Variants in NFATC2 observed in about 807,000 individuals in gnomAD.
The protein encoded by NFATC2 is nuclear factor of activated T-cells, cytoplasmic 2.
In NFATC2, 22 loss-of-function variants were observed where a neutral mutation model predicts 87.3. That is an observed-to-expected ratio of 0.25 (90% CI 0.18 to 0.36). NFATC2 has a LOEUF of 0.36. Ranked by LOEUF, NFATC2 falls within the 10% of genes least tolerant of loss-of-function variation. The pLI is 1.00. For missense variants in NFATC2, 1,149 were observed against 1,259.1 expected (o/e 0.91, Z 1.32); for synonymous variants, 565 against 542.2 (o/e 1.04, Z -0.58).
rs531539139 is a variant in NFATC2, at chr20:51,415,087, C to T, written c.2723-16357G>A. 9.2e-4 allele frequency among the ~76,000 whole-genome samples: 140 copies of T among 151,412 alleles called. 1 individual carries two copies. Among genetic ancestry groups the T allele is most frequent in the African/African-American group, 3.2e-3 (131 of 41,264 alleles). ...GCAACATAGTGAGACCCCATCTCTACAAAAAATAACTAGCCAGGTGTGGTG... is the reference window on the plus strand; with the variant it reads ...GCAACATAGTGAGACCCCATCTCTATAAAAAATAACTAGCCAGGTGTGGTG... On this transcript the variant is annotated intron_variant, in intron 9 of 10. Transcript: ENST00000371564.
Position 51,523,414 on chromosome 20 carries a change from G to T in NFATC2, c.827C>A (p.Ser276Ter). 1 of 1,608,642 alleles carries T rather than the reference G, an allele frequency of 6.2e-7. No homozygotes were observed. Residue 276 changes from serine (S) to a stop codon, truncating the protein, a stop_gained, in exon 2 of 11, where the codon TCG becomes TAG. Transcript: ENST00000371564. LOFTEE classifies it high-confidence loss of function. The surrounding 1 kb of genome is among the most constrained non-coding windows in gnomAD (Gnocchi z 6.9). ...GASPQRSRSP[S>*]PQPSSHVAPQ... ...TGCCACGTGAGATGAGGGCTGCGGC[G>T]AGGGGCTCCGGGAGCGCTGGGGTGA...
chr20:51,435,608 G>T, intron 7 of NFATC2, 98 bp downstream of exon 7: 1 of 1,327,374 alleles, frequency 7.5e-7, no homozygotes, highest in Non-Finnish European at 1.1e-6. Flanking sequence ...CCAGAGCTCT[G>T]GGGGACACTG....
chr20:51,451,466 G>A (rs572087276), intron 6 of NFATC2, among the ~76,000 whole-genome samples: 1 of 152,346 alleles, frequency 6.6e-6, no homozygotes, highest in South Asian at 2.1e-4. Flanking sequence ...GGAGGTCAGG[G>A]ATGCTGCTGA....
At chr20:51,402,316 C>T (rs905020102) in intron 9 of NFATC2, among the ~76,000 whole-genome samples, 1 of 152,118 alleles carries the variant, frequency 6.6e-6, no homozygotes, top group Non-Finnish European at 1.5e-5. Flanking sequence ...TATCAAGCAA[C>T]CACACGGCTT....
chr20:51,528,364 CA>C (rs2076579613), intron 1 of NFATC2, among the ~76,000 whole-genome samples: 1 of 152,038 alleles, frequency 6.6e-6, no homozygotes, highest in Non-Finnish European at 1.5e-5. Flanking sequence ...GTGTGCACAG[CA>C]TAAAAAGTGA....
At chr20:51,550,972 C>T (rs1259099614) in intron 1 of NFATC2, among the ~76,000 whole-genome samples, 1 of 152,192 alleles carries the variant, frequency 6.6e-6, no homozygotes, top group Non-Finnish European at 1.5e-5. Flanking sequence ...CTAACAACCT[C>T]CCATTATAAT....
intron 9 of NFATC2, among the ~76,000 whole-genome samples, chr20:51,424,653 G>C (rs900882983): frequency 1.3e-5 from 2 of 152,168 alleles, no homozygotes; most frequent in African/African-American, 4.8e-5. Flanking sequence ...TGGGCCTTCA[G>C]ACCAACCATC....
At position 51,562,574 on chromosome 20, in the gene NFATC2, C is replaced by A. The variant is rs1380125235; in HGVS notation, c.56G>T (p.Gly19Val). ...GAGTCAGTTACCTTGGTCCACAGAC[C>A]CCATGATGCGGAGGGGATGGCAGTG... The change falls in exon 1 of 11, where the codon GGG becomes GTG. Residue 19 changes from glycine to valine, a missense_variant. Coordinates refer to the NFATC2 transcript ENST00000414705. This position sits in a 1 kb window ranked among gnomAD's most constrained non-coding sequence, Gnocchi z 5.8. The A allele has an allele frequency of 6.4e-7, 1 of 1,551,232 alleles. No individual in the cohort carries two copies.
intron 9 of NFATC2, among the ~76,000 whole-genome samples, chr20:51,402,818 C>G: frequency 6.6e-6 from 1 of 152,214 alleles, no homozygotes; most frequent in East Asian, 1.9e-4. Flanking sequence ...TCATGCAAAA[C>G]CTCCCCCTCT....
intron 6 of NFATC2, among the ~76,000 whole-genome samples, chr20:51,444,777 C>T (rs16996025): frequency 0.09 from 13,655 of 152,178 alleles, 977 homozygotes; most frequent in East Asian, 0.2. Context: ...AGCAGAAAAA[C>T]GTGTCCTCCC....
intron 1 of NFATC2, among the ~76,000 whole-genome samples, chr20:51,535,186 A>C (rs972770116): frequency 5.9e-5 from 9 of 152,210 alleles, no homozygotes; most frequent in Non-Finnish European, 1.3e-4. Flanking sequence ...ATCCTCCTGC[A>C]ACAGGACTCG....
At chr20:51,531,078 C>G (rs889245053) in intron 1 of NFATC2, among the ~76,000 whole-genome samples, 2 of 152,226 alleles carry the variant, frequency 1.3e-5, no homozygotes, top group African/African-American at 2.4e-5. Flanking sequence ...CAGCCACCTA[C>G]CCACTGGATG....
chr20:51,394,349 T>A (rs1231612237), intron 10 of NFATC2, among the ~76,000 whole-genome samples: 1 of 152,068 alleles, frequency 6.6e-6, no homozygotes, highest in Non-Finnish European at 1.5e-5. Flanking sequence ...CCCAGTGCCC[T>A]TTCACCATGC....
chr20:51,536,067 C>T (rs1348224655), intron 1 of NFATC2, among the ~76,000 whole-genome samples: 2 of 152,146 alleles, frequency 1.3e-5, no homozygotes, highest in Admixed American at 1.3e-4. Context: ...GACCATCCAC[C>T]GGGATGGAGA....
At chr20:51,424,220 C>T (rs1176030322) in intron 9 of NFATC2, among the ~76,000 whole-genome samples, 1 of 152,140 alleles carries the variant, frequency 6.6e-6, no homozygotes, top group African/African-American at 2.4e-5. Flanking sequence ...GTTTTCTGGA[C>T]TTTGACATTT....
intron 3 of NFATC2, among the ~76,000 whole-genome samples, chr20:51,516,259 G>T (rs921359325): frequency 1.1e-4 from 17 of 152,132 alleles, no homozygotes; most frequent in African/African-American, 3.9e-4. Context: ...CAATCTACAT[G>T]TTCACTATAG....
At chr20:51,495,644 T>C (rs2075976189) in intron 3 of NFATC2, among the ~76,000 whole-genome samples, 1 of 152,242 alleles carries the variant, frequency 6.6e-6, no homozygotes, top group African/African-American at 2.4e-5. Context: ...GCATGGAGTT[T>C]GCCGGGACCA....
chr20:51,539,187 T>A (rs1314068052), intron 1 of NFATC2, among the ~76,000 whole-genome samples: 8 of 152,200 alleles, frequency 5.3e-5, no homozygotes, highest in Non-Finnish European at 1.2e-4. Flanking sequence ...TTCCCTAATT[T>A]ACCTTCACCA....
At chr20:51,559,116 G>A (rs1429444357) in intron 1 of NFATC2, among the ~76,000 whole-genome samples, 1 of 152,252 alleles carries the variant, frequency 6.6e-6, no homozygotes, top group Non-Finnish European at 1.5e-5. Context: ...CTAGCCAGGA[G>A]GAGGGGTCCC....
Sources: allele counts gnomAD v4.1 joint callset (sites outside exome capture counted in the v4.1 genomes callset), GRCh38; gene constraint gnomAD v4.1.1; non-coding constraint Gnocchi (gnomAD v3.1); transcripts MANE v1.5; gene names NCBI Gene and HGNC (gene_info 2026-07-23, HGNC 2026-07-21).